The following ERRFI1 variants were observed in gnomAD, a reference collection of about 807,000 sequenced individuals.
The protein encoded by ERRFI1 is mitogen-inducible gene 6 protein.
A neutral mutation model predicts 14.6 loss-of-function variants in ERRFI1; 12 were observed. The ratio of observed to expected loss-of-function variants is 0.82; its 90% confidence interval spans 0.53 to 1.33. The LOEUF (loss-of-function observed/expected upper bound fraction) is 1.33. Among genes scored for constraint, ERRFI1 ranks in the 40% most tolerant of loss-of-function variants. ERRFI1 has a pLI of 0.00. For synonymous variants in ERRFI1, 202 were observed against 209.9 expected (o/e 0.96, Z 0.32); for missense variants, 482 against 572.1 (o/e 0.84, Z 1.61).
At chr1:8,023,452 G>GT (rs912500555) in intron 1 of ERRFI1, among the ~76,000 whole-genome samples, 3 of 151,940 alleles carry the variant, frequency 2.0e-5, no homozygotes, top group African/African-American at 7.3e-5. Context: ...TAATTTTTGT[G>GT]TTTTTTTGTA....
Position 8,013,961 on chromosome 1 carries a change from T to C in ERRFI1, c.638A>G (p.Asp213Gly). 1 of 1,614,176 alleles carries C rather than the reference T, an allele frequency of 6.2e-7. No homozygotes were observed. Among genetic ancestry groups the C allele is most frequent in the Non-Finnish European group, 8.5e-7 (1 of 1,180,034 alleles). ...GCGQINYAYFDTPAVSAADLS... is the reference protein window; with the variant it reads ...GCGQINYAYFGTPAVSAADLS... ...ATCTGCTGCAGAAACAGCTGGGGTA[T>C]CAAAATATGCATAGTTGATTTGTCC... Residue 213 changes from aspartate to glycine, a missense_variant, in exon 4 of 4, where the codon GAT becomes GGT. Asp to Gly is a moderately conservative substitution (Grantham distance 94, BLOSUM62 -1). Coordinates refer to ENST00000377482, the MANE Select transcript of ERRFI1 (RefSeq NM_018948.4). The surrounding 1 kb of genome is among the most constrained non-coding windows in gnomAD (Gnocchi z 4.3).
rs532232409 is a variant in ERRFI1, at chr1:8,012,873, T to C, written c.*337A>G. The C allele has an allele frequency of 3.3e-6, 1 of 300,760 alleles. No homozygotes were observed. Among genetic ancestry groups the C allele is most frequent in the Non-Finnish European group, 6.2e-6 (1 of 160,708 alleles). 18.6% of individuals were successfully genotyped at this position (300,760 alleles called of 1,614,324 possible). On this transcript the variant is annotated 3_prime_UTR_variant, in exon 4 of 4. Coordinates refer to ENST00000377482, the MANE Select transcript of ERRFI1 (RefSeq NM_018948.4). ...CTGAATATATATTACTCTACGATAG[T>C]AACTAATTGGTTAACCTGCAGCTAT...
At chr1:8,014,650 A>G (rs1641146029) in intron 3 of ERRFI1, 1 of 457,100 alleles carries the variant, frequency 2.2e-6, no homozygotes, top group Admixed American at 3.9e-5. Flanking sequence ...GCGCACACCC[A>G]CACATCACAG....
intron 1 of ERRFI1, among the ~76,000 whole-genome samples, chr1:8,018,463 A>G (rs1358858507): frequency 6.6e-6 from 1 of 151,418 alleles, no homozygotes; most frequent in Non-Finnish European, 1.5e-5. Context: ...GTTTAATGCC[A>G]ATTTTTCACA....
Position 8,013,743 on chromosome 1 carries a change from T to G in ERRFI1, c.856A>C (p.Arg286=), listed in dbSNP as rs771270720. The G allele has an allele frequency of 8.1e-6, 13 of 1,614,052 alleles. No homozygotes were observed. The highest frequency in any genetic ancestry group is 2.2e-5 in the South Asian group (2 of 91,082). ...ACTGGTCTAGGAGGTATGGGAACTCTGGGGGGAACCTCAGGTTTGTCTTCA... is the reference window on the plus strand; with the variant it reads ...ACTGGTCTAGGAGGTATGGGAACTCGGGGGGGAACCTCAGGTTTGTCTTCA... ...SDEDKPEVPP[R]VPIPPRPVKP... Residue 286 remains arginine, a synonymous_variant, in exon 4 of 4, where the codon AGA becomes CGA. Coordinates refer to ENST00000377482, the MANE Select transcript of ERRFI1 (RefSeq NM_018948.4). This position sits in a 1 kb window ranked among gnomAD's most constrained non-coding sequence, Gnocchi z 4.3.
intron 1 of ERRFI1, among the ~76,000 whole-genome samples, chr1:8,019,865 A>G (rs1641251252): frequency 6.6e-6 from 1 of 152,174 alleles, no homozygotes; most frequent in African/African-American, 2.4e-5. Context: ...CTGTTACAGT[A>G]TATTTACTTG....
chr1:8,020,363 C>G (rs542546847), intron 1 of ERRFI1, among the ~76,000 whole-genome samples: 23 of 152,082 alleles, frequency 1.5e-4, no homozygotes, highest in Admixed American at 7.9e-4. Context: ...CTTCCATAAC[C>G]AAGGAAGATA....
chr1:8,025,757 G>T (rs1203575518), intron 1 of ERRFI1, among the ~76,000 whole-genome samples: 1 of 152,072 alleles, frequency 6.6e-6, no homozygotes, highest in Non-Finnish European at 1.5e-5. Flanking sequence ...CTTCATGCTC[G>T]CCGCTCCCGA....
Position 8,014,330 on chromosome 1 carries a change from G to A in ERRFI1, c.269C>T (p.Ser90Phe), listed in dbSNP as rs1226799056. 4 of 1,611,558 alleles carry A rather than the reference G, an allele frequency of 2.5e-6. No homozygotes were observed. The East Asian group carries it at 6.7e-5, about 27-fold the overall frequency. Residue 90 changes from serine (S) to phenylalanine (F), a missense_variant, in exon 4 of 4, where the codon TCC (serine) becomes TTC (phenylalanine). Ser to Phe is a radical substitution (Grantham distance 155, BLOSUM62 -2). Transcript: ENST00000377482. ...CFAENGPSQK[S>F]SLPPLLIPPS... ...GGGAATAAGAAGAGGGGGCAAGCTG[G>A]ACTTTTGAGATGGACCATTTTCTGC...
rs940535290 is a variant in ERRFI1, at chr1:8,022,217, A to G, written c.-74+3941T>C. 2.0e-5 allele frequency among the ~76,000 whole-genome samples: 3 copies of G among 152,218 alleles called. No homozygotes were observed. The South Asian group carries it at 6.2e-4, about 32-fold the overall frequency. ...AACGATCCACGGATGCCCCACCACA[A>G]CAGAACTCTTTACAACATGGTTATT... On this transcript the variant is annotated intron_variant, in intron 1 of 3. Transcript: ENST00000377482.
intron 1 of ERRFI1, among the ~76,000 whole-genome samples, chr1:8,022,440 A>G (rs1641286241): frequency 6.6e-6 from 1 of 152,208 alleles, no homozygotes; most frequent in Non-Finnish European, 1.5e-5. Context: ...CTTCTTACAC[A>G]TTATCTCACT....
At chr1:8,021,533 A>C (rs1641274043) in intron 1 of ERRFI1, among the ~76,000 whole-genome samples, 1 of 152,230 alleles carries the variant, frequency 6.6e-6, no homozygotes, top group Non-Finnish European at 1.5e-5. Context: ...TTCTAATCTA[A>C]AGACAACGAG....
chr1:8,024,061 T>TC (rs1641311552), intron 1 of ERRFI1, among the ~76,000 whole-genome samples: 1 of 152,214 alleles, frequency 6.6e-6, no homozygotes, highest in South Asian at 2.1e-4. Flanking sequence ...CCCTGACACC[T>TC]CCTTTCCTTC....
chr1:8,012,909 T>C lies in ERRFI1; in HGVS notation c.*301A>G, dbSNP rs1230694616. The C allele has an allele frequency of 8.3e-6, 3 of 362,232 alleles. No homozygotes were observed. The highest frequency in any genetic ancestry group is 1.5e-5 in the Non-Finnish European group (3 of 200,862). The allele number at this position is 362,232 out of a possible 1,614,324, so 22.4% of individuals were successfully genotyped here. On this transcript the variant is annotated 3_prime_UTR_variant, in exon 4 of 4. Transcript: ENST00000377482. ...TTAACCTGCAGCTATGGTCTATGGT[T>C]ATACCACAAGTTTATATATAGGTAT...
intron 1 of ERRFI1, among the ~76,000 whole-genome samples, chr1:8,025,888 C>A (rs1459952972): frequency 6.6e-6 from 1 of 151,990 alleles, no homozygotes; most frequent in Non-Finnish European, 1.5e-5. Flanking sequence ...AGGCGGCGGG[C>A]GCCGGCACTT....
chr1:8,022,736 A>G (rs570622131), intron 1 of ERRFI1, among the ~76,000 whole-genome samples: 1 of 152,370 alleles, frequency 6.6e-6, no homozygotes, highest in Admixed American at 6.5e-5. Flanking sequence ...GCTAGTCAAT[A>G]GCAGAGGCAG....
chr1:8,018,480 CTG>C (rs1641229866), intron 1 of ERRFI1, among the ~76,000 whole-genome samples: 1 of 150,130 alleles, frequency 6.7e-6, no homozygotes, highest in Non-Finnish European at 1.5e-5. Flanking sequence ...CACATTTTAT[CTG>C]TCTTACAACT....
intron 1 of ERRFI1, among the ~76,000 whole-genome samples, chr1:8,023,840 T>C (rs1419910396): frequency 1.3e-5 from 2 of 152,240 alleles, no homozygotes; most frequent in African/African-American, 4.8e-5. Flanking sequence ...CACGTGTTTA[T>C]GCTGTGTGAA....
intron 1 of ERRFI1, among the ~76,000 whole-genome samples, chr1:8,021,585 AATTT>A (rs1482966379): frequency 3.3e-5 from 5 of 152,230 alleles, no homozygotes; most frequent in African/African-American, 1.2e-4. Context: ...TAAAACTTCA[AATTT>A]ATTTAACAAG....
Sources: allele counts gnomAD v4.1 joint callset (sites outside exome capture counted in the v4.1 genomes callset), GRCh38; gene constraint gnomAD v4.1.1; non-coding constraint Gnocchi (gnomAD v3.1); transcripts MANE v1.5; gene names NCBI Gene and HGNC (gene_info 2026-07-23, HGNC 2026-07-21).